Variants in NFIB observed in about 807,000 individuals in gnomAD.
NFIB encodes the protein nuclear factor 1 B-type.
In NFIB, 11 loss-of-function variants were observed where a neutral mutation model predicts 61.5. The ratio of observed to expected loss-of-function variants is 0.18; its 90% CI spans 0.11 to 0.30. The LOEUF (loss-of-function observed/expected upper bound fraction) is 0.30. Ranked by LOEUF, NFIB falls within the 10% of genes least tolerant of loss-of-function variation. The pLI is 1.00. For synonymous variants in NFIB, 260 were observed against 216.5 expected (o/e 1.20, Z -1.76); for missense variants, 471 against 608.9 (o/e 0.77, Z 2.38).
chr9:14,322,158 T>G, intron 1 of NFIB: 1 of 1,204,794 alleles, frequency 8.3e-7, no homozygotes, highest in Middle Eastern at 3.2e-4. Context: ...ACTGCCACAG[T>G]TCTTGGCCCG....
At chr9:14,277,933 A>C (rs908224412) in intron 2 of NFIB, among the ~76,000 whole-genome samples, 14 of 152,272 alleles carry the variant, frequency 9.2e-5, no homozygotes, top group Admixed American at 1.3e-4. Flanking sequence ...ACAACAGTAG[A>C]CTTCTACATG....
chr9:14,217,421 G>A (rs1650659863), intron 2 of NFIB, among the ~76,000 whole-genome samples: 6 of 152,184 alleles, frequency 3.9e-5, no homozygotes, highest in Middle Eastern at 3.4e-3. Context: ...AGCATTTTGG[G>A]AGGCCAAGGT....
chr9:14,350,680 A>T (rs559933554), intron 1 of NFIB, among the ~76,000 whole-genome samples: 2 of 152,198 alleles, frequency 1.3e-5, no homozygotes, highest in Non-Finnish European at 2.9e-5. Flanking sequence ...GATACAAAAA[A>T]AATTCCTCTT....
chr9:14,490,594 A>T, the NFIB span, among the ~76,000 whole-genome samples: 1 of 152,166 alleles, frequency 6.6e-6, no homozygotes, highest in Non-Finnish European at 1.5e-5. Context: ...AAACAGTTCC[A>T]CAACTCAATA....
intron 2 of NFIB, among the ~76,000 whole-genome samples, chr9:14,240,510 A>G (rs544099115): frequency 6.6e-6 from 1 of 152,320 alleles, no homozygotes; most frequent in South Asian, 2.1e-4. Flanking sequence ...AAGAAGCAAC[A>G]CAAGACTGCT....
chr9:14,473,231 C>T, the NFIB span, among the ~76,000 whole-genome samples: 7 of 152,258 alleles, frequency 4.6e-5, no homozygotes, highest in East Asian at 1.2e-3. Flanking sequence ...TGGGATAATC[C>T]CATTGTATAG....
chr9:14,292,136 C>A (rs1223223872), intron 2 of NFIB, among the ~76,000 whole-genome samples: 1 of 152,106 alleles, frequency 6.6e-6, no homozygotes, highest in African/African-American at 2.4e-5. Flanking sequence ...GCCATGTTTT[C>A]ACGAAATAAT....
rs566571423 is a variant in NFIB at position 14,394,261 on chromosome 9, G to A, written c.108+4263C>T. Among the ~76,000 whole-genome samples, 76 of 152,228 alleles carry A rather than the reference G, an allele frequency of 5.0e-4. 1 individual carries two copies. In the South Asian group the frequency reaches 0.015, roughly 31 times the overall value. On this transcript the variant is annotated intron_variant, in intron 1 of 8. Coordinates refer to the NFIB transcript ENST00000380934. ...ATAACATAGGACAGACACTCTAGTT[G>A]GACATATATGCTCATAGAGTAATGA...
the NFIB span, among the ~76,000 whole-genome samples, chr9:14,451,612 C>T: frequency 4.6e-5 from 7 of 152,274 alleles, no homozygotes; most frequent in African/African-American, 1.4e-4. Flanking sequence ...CATCAAATAT[C>T]GAACTAGCAT....
intron 2 of NFIB, among the ~76,000 whole-genome samples, chr9:14,222,417 T>A (rs4741349): frequency 0.5 from 76,341 of 151,452 alleles, 19,982 homozygotes; most frequent in Non-Finnish European, 0.59. Context: ...CACTAATTCA[T>A]GCACCTCAAG....
At chr9:14,363,734 CA>C (rs898526689) in intron 1 of NFIB, among the ~76,000 whole-genome samples, 30 of 151,818 alleles carry the variant, frequency 2.0e-4, no homozygotes, top group Admixed American at 7.9e-4. Context: ...CTGAGAAAAG[CA>C]GTTAAAATTT....
At chr9:14,340,684 G>A (rs2060939282) in intron 1 of NFIB, among the ~76,000 whole-genome samples, 1 of 152,246 alleles carries the variant, frequency 6.6e-6, no homozygotes, top group Non-Finnish European at 1.5e-5. Context: ...TCGTTGTGCA[G>A]AATGTGAATT....
the NFIB span, among the ~76,000 whole-genome samples, chr9:14,416,985 C>A: frequency 1.3e-5 from 2 of 150,942 alleles, no homozygotes; most frequent in African/African-American, 4.9e-5. Context: ...CTCCGCCTCT[C>A]GGGTTCAAGC....
At chr9:14,412,245 T>C in the NFIB span, among the ~76,000 whole-genome samples, 4 of 152,218 alleles carry the variant, frequency 2.6e-5, no homozygotes, top group Admixed American at 2.6e-4. Flanking sequence ...ACATAATGTA[T>C]TGTTCTGAAT....
At chr9:14,108,617 A>G (rs2036903975) in intron 10 of NFIB, among the ~76,000 whole-genome samples, 2 of 152,110 alleles carry the variant, frequency 1.3e-5, no homozygotes, top group African/African-American at 2.4e-5. Flanking sequence ...CTGAAGCCCA[A>G]GCACCAATAA....
intron 2 of NFIB, among the ~76,000 whole-genome samples, chr9:14,254,454 G>A (rs1000385229): frequency 3.9e-5 from 6 of 152,076 alleles, no homozygotes; most frequent in South Asian, 2.1e-4. Context: ...ATGGGCTTGC[G>A]TTACTTACTG....
Position 14,120,581 on chromosome 9 carries a change from A to C in NFIB, c.1104T>G (p.Phe368Leu). 1 of 1,613,382 alleles carries C rather than the reference A, an allele frequency of 6.2e-7. No individual in the cohort carries two copies. Among genetic ancestry groups the C allele is most frequent in the South Asian group, 1.1e-5 (1 of 90,922 alleles). ...RTPPPPSPLP[F>L]PTQAILPPAP... Reference sequence around the variant, plus strand: ...CTGGAGGAAGGATAGCTTGTGTTGGAAATGGCAACGGTGAAGGTGGAGGTG... The same window carrying C: ...CTGGAGGAAGGATAGCTTGTGTTGGCAATGGCAACGGTGAAGGTGGAGGTG... Residue 368 changes from phenylalanine to leucine, a missense_variant, in exon 8 of 11, where the codon TTT (phenylalanine) becomes TTG (leucine). Phe to Leu is a conservative substitution (Grantham distance 22, BLOSUM62 0). This residue lies in a region of NFIB where 372 missense variants were observed against 395.6 expected (regional missense o/e 0.94). Coordinates refer to ENST00000380953, the MANE Select transcript of NFIB (RefSeq NM_001190737.2). This position sits in a 1 kb window ranked among gnomAD's most constrained non-coding sequence, Gnocchi z 4.4.
the NFIB span, among the ~76,000 whole-genome samples, chr9:14,511,234 T>C: frequency 5.8e-4 from 89 of 152,304 alleles, no homozygotes; most frequent in African/African-American, 2.0e-3. Flanking sequence ...ACATATTTTC[T>C]TATGTATTCA....
chr9:14,362,493 C>T (rs2061252409), intron 1 of NFIB: 1 of 152,172 alleles, frequency 6.6e-6, no homozygotes, highest in South Asian at 2.1e-4. Context: ...TGGGATGCCT[C>T]AGGATGCCTC....
Sources: allele counts gnomAD v4.1 joint callset (sites outside exome capture counted in the v4.1 genomes callset), GRCh38; gene constraint gnomAD v4.1.1; regional missense constraint gnomAD v4.1.1; non-coding constraint Gnocchi (gnomAD v3.1); transcripts MANE v1.5; gene names NCBI Gene and HGNC (gene_info 2026-07-23, HGNC 2026-07-21).